CAMK2A: variants seen among roughly 807,000 people sequenced by gnomAD.
CAMK2A encodes calcium/calmodulin-dependent protein kinase type II subunit alpha.
CAMK2A carries 7 observed loss-of-function variants against 79.2 expected under a neutral mutation model. That is an observed-to-expected ratio of 0.09 (90% CI 0.05 to 0.17). The LOEUF (loss-of-function observed/expected upper bound fraction) is 0.17. Ranked by LOEUF, CAMK2A falls within the 10% of genes least tolerant of loss-of-function variation. The pLI is 1.00. For synonymous variants in CAMK2A, 242 were observed against 251.7 expected, an observed-to-expected ratio of 0.96 and a Z score of 0.36; for missense variants, 214 against 646.4, an observed-to-expected ratio of 0.33 and a Z score of 7.25.
At chr5:150,277,353 A>G (rs761489462) in intron 1 of CAMK2A, among the ~76,000 whole-genome samples, 2 of 152,160 alleles carry the variant, frequency 1.3e-5, no homozygotes, top group East Asian at 1.9e-4. Flanking sequence ...GCACTGCCCA[A>G]CGCCTTCCGG....
chr5:150,280,681 T>C (rs781596424), intron 1 of CAMK2A, among the ~76,000 whole-genome samples: 27 of 152,006 alleles, frequency 1.8e-4, no homozygotes, highest in Non-Finnish European at 3.5e-4. Context: ...TGGAGCCTAA[T>C]GCACCTTGCC....
intron 3 of CAMK2A, among the ~76,000 whole-genome samples, chr5:150,263,989 G>C (rs1360603360): frequency 6.6e-6 from 1 of 152,214 alleles, no homozygotes; most frequent in Non-Finnish European, 1.5e-5. Context: ...TCTGGCAGGA[G>C]AGTTAACCCT....
At chr5:150,285,958 G>C (rs753603161) in intron 1 of CAMK2A, among the ~76,000 whole-genome samples, 1 of 152,038 alleles carries the variant, frequency 6.6e-6, no homozygotes, top group African/African-American at 2.4e-5. Flanking sequence ...CCTTCCCTGG[G>C]CCATCTGCTG....
At chr5:150,254,174 C>T (rs926391617) in intron 6 of CAMK2A, among the ~76,000 whole-genome samples, 1 of 152,164 alleles carries the variant, frequency 6.6e-6, no homozygotes, top group Non-Finnish European at 1.5e-5. Context: ...AGAGGGGAAG[C>T]CCTCAGGCAT....
chr5:150,274,105 A>G (rs1324199250), intron 1 of CAMK2A, among the ~76,000 whole-genome samples: 2 of 152,230 alleles, frequency 1.3e-5, no homozygotes, highest in Admixed American at 1.3e-4. Flanking sequence ...AAACTTTTTT[A>G]TATCTGCTAA....
intron 13 of CAMK2A, among the ~76,000 whole-genome samples, chr5:150,242,292 A>C (rs1755381166): frequency 6.6e-6 from 1 of 152,240 alleles, no homozygotes; most frequent in Non-Finnish European, 1.5e-5. Flanking sequence ...CTCTTTCACC[A>C]AAAGTAGAAA....
rs191398101 is a variant in CAMK2A at position 150,275,718 on chromosome 5, A to G, written c.63-2559T>C. Among the ~76,000 whole-genome samples, 171 of 152,354 alleles carry G rather than the reference A, an allele frequency of 1.1e-3. 2 individuals carry two copies. Among genetic ancestry groups the G allele is most frequent in the African/African-American group, 4.0e-3 (167 of 41,586 alleles). On this transcript the variant is annotated intron_variant, in intron 1 of 18. Transcript: ENST00000671881. ...TGATAAAGGGTACAGATGAACAGCT[A>G]GATGAGGAGGGGCACAGAGCAAGGT... is the stretch of plus-strand genomic sequence containing the variant.
At chr5:150,269,109 A>C (rs1311095549) in intron 2 of CAMK2A, among the ~76,000 whole-genome samples, 1 of 152,224 alleles carries the variant, frequency 6.6e-6, no homozygotes, top group East Asian at 1.9e-4. Context: ...CCATTGGCTC[A>C]GCAGAGTCCC....
chr5:150,269,782 C>T (rs147058128), intron 2 of CAMK2A, among the ~76,000 whole-genome samples: 1 of 152,202 alleles, frequency 6.6e-6, no homozygotes, highest in African/African-American at 2.4e-5. Context: ...ATAGGACAGC[C>T]TGATCCTGGG....
At chr5:150,236,613 T>C (rs1755071400) in intron 15 of CAMK2A, among the ~76,000 whole-genome samples, 1 of 152,230 alleles carries the variant, frequency 6.6e-6, no homozygotes, top group Admixed American at 6.5e-5. Flanking sequence ...CCACGGTCCC[T>C]GCCTGTTCTG....
At chr5:150,257,509 C>A in intron 4 of CAMK2A, 54 bp downstream of exon 4, 1 of 1,474,082 alleles carries the variant, frequency 6.8e-7, no homozygotes, top group Non-Finnish European at 9.3e-7. Flanking sequence ...GAGGCCATCA[C>A]TGGTTAGGCA....
In CAMK2A at chr5:150,280,245, C is replaced by G. The variant is rs185829607; in HGVS notation, c.63-7086G>C. Among the ~76,000 whole-genome samples, 456 of 152,288 alleles carry G rather than the reference C, an allele frequency of 3.0e-3. 3 individuals are homozygous for G. The highest frequency in any genetic ancestry group is 4.2e-3 in the Non-Finnish European group (288 of 68,026). Reference sequence around the variant, plus strand: ...CTCAGCAAACAGGAACACTTTTTATCTATCGTGGCCTTCTGGGGACAGCAA... The same window carrying G: ...CTCAGCAAACAGGAACACTTTTTATGTATCGTGGCCTTCTGGGGACAGCAA... On this transcript the variant is annotated intron_variant, in intron 1 of 18. Transcript: ENST00000671881.
At chr5:150,287,085 C>A (rs937825226) in intron 1 of CAMK2A, among the ~76,000 whole-genome samples, 3 of 152,206 alleles carry the variant, frequency 2.0e-5, no homozygotes, top group African/African-American at 7.2e-5. Flanking sequence ...CCCCTCCCTG[C>A]ACCACTGGAT....
rs1755646427 is a variant in CAMK2A at position 150,247,938 on chromosome 5, GCCTCTGC to G, written c.901-131_901-125del. On this transcript the variant is annotated intron_variant, in intron 11 of 18. Coordinates refer to ENST00000671881, the MANE Select transcript of CAMK2A (RefSeq NM_015981.4). The stretch of plus-strand genomic sequence containing the variant: ...TGCTGCATTCAGAGAAGAAGCCAAA[GCCTCTGC>G]CCTGCCCCTCCATTTGTCCCAACCC... 3 of 756,782 alleles carry G rather than the reference GCCTCTGC, an allele frequency of 4.0e-6. No individual in the cohort carries two copies. The East Asian group carries it at 8.0e-5, about 20-fold the overall frequency. 46.9% of individuals were successfully genotyped at this position (756,782 alleles called of 1,614,324 possible).
chr5:150,285,057 T>C (rs1172959683), intron 1 of CAMK2A, among the ~76,000 whole-genome samples: 2 of 152,118 alleles, frequency 1.3e-5, no homozygotes, highest in African/African-American at 4.8e-5. Context: ...AGAATCATGA[T>C]TGGAAAATCA....
Position 150,228,407 on chromosome 5 carries a change from T to C in CAMK2A, c.1143-121A>G, listed in dbSNP as rs535748217. ...TCACAGGATCATTGAAGTTAGTAGA[T>C]GGGAAGGGGCCAGGGGCTTGCAAGT... On this transcript the variant is annotated intron_variant, in intron 16 of 18. Transcript: ENST00000671881. 1.9e-5 allele frequency: 13 copies of C among 682,460 alleles called. No individual in the cohort carries two copies. The African/African-American group carries it at 2.3e-4, about 12-fold the overall frequency. 42.3% of individuals were successfully genotyped at this position (682,460 alleles called of 1,614,324 possible). A position where few individuals can be genotyped will look rare whatever the true frequency, so the allele number is the denominator to read the frequency against.
At chr5:150,230,375 C>T (rs190376645) in intron 16 of CAMK2A, among the ~76,000 whole-genome samples, 54 of 151,346 alleles carry the variant, frequency 3.6e-4, no homozygotes, top group Non-Finnish European at 6.9e-4. Context: ...GTCTGCCAAG[C>T]CTTTGAGAGG....
chr5:150,268,491 A>G (rs1249325349), intron 2 of CAMK2A, among the ~76,000 whole-genome samples: 1 of 152,150 alleles, frequency 6.6e-6, no homozygotes, highest in Non-Finnish European at 1.5e-5. Flanking sequence ...CTCCTGCCAC[A>G]TCACGTCCCC....
intron 2 of CAMK2A, among the ~76,000 whole-genome samples, chr5:150,270,492 G>T (rs1756702922): frequency 6.6e-6 from 1 of 152,204 alleles, no homozygotes; most frequent in South Asian, 2.1e-4. Context: ...CAGCTCCCGG[G>T]AGGGTGGGCA....
Sources: gnomAD v4.1 joint callset for allele counts (sites outside exome capture counted in the v4.1 genomes callset) on GRCh38, gnomAD v4.1.1 for gene constraint, MANE v1.5 for transcripts, NCBI Gene and HGNC (gene_info 2026-07-23, HGNC 2026-07-21) for gene names.